DISC1: variants seen among roughly 807,000 people sequenced by gnomAD.
DISC1 encodes disrupted in schizophrenia 1 protein.
Under a neutral mutation model 84.5 loss-of-function variants are expected in DISC1, and 57 were observed. The ratio of observed to expected loss-of-function variants is 0.67; its 90% CI spans 0.55 to 0.84. The LOEUF (loss-of-function observed/expected upper bound fraction) is 0.84, where lower values mean the gene tolerates loss of function less well. Among genes scored for constraint, DISC1 ranks in the 40% least tolerant of loss-of-function variants. The probability of loss-of-function intolerance (pLI) is 0.00; values close to 1 mark genes in which losing one functional copy is unlikely to be tolerated. For missense variants in DISC1, 1,000 were observed against 1,057.8 expected (o/e 0.95, Z 0.76); for synonymous variants, 411 against 415.2 (o/e 0.99, Z 0.12).
At chr1:231,644,799 C>T (rs2059992772) in intron 1 of DISC1, among the ~76,000 whole-genome samples, 1 of 151,900 alleles carries the variant, frequency 6.6e-6, no homozygotes, top group Non-Finnish European at 1.5e-5. Flanking sequence ...GTAACAAATT[C>T]CCTATATTAA....
chr1:231,855,335 G>A, intron 9 of DISC1: 2 of 965,190 alleles, frequency 2.1e-6, no homozygotes, highest in Non-Finnish European at 2.5e-6. Context: ...TACAATTTTT[G>A]TCAATTAAAC....
chr1:231,928,195 T>C (rs763650322), intron 9 of DISC1, among the ~76,000 whole-genome samples: 1 of 152,226 alleles, frequency 6.6e-6, no homozygotes, highest in Non-Finnish European at 1.5e-5. Flanking sequence ...TGATTTCTGC[T>C]CTCAGCTATT....
At chr1:231,817,660 A>G (rs531562767) in intron 8 of DISC1, among the ~76,000 whole-genome samples, 59 of 152,110 alleles carry the variant, frequency 3.9e-4, no homozygotes, top group African/African-American at 1.4e-3. Flanking sequence ...TGTAAATTGT[A>G]TTTTTTAAAA....
At chr1:231,709,948 C>G (rs1376162127) in intron 3 of DISC1, among the ~76,000 whole-genome samples, 2 of 152,190 alleles carry the variant, frequency 1.3e-5, no homozygotes, top group African/African-American at 4.8e-5. Context: ...TCTGCTTCTT[C>G]TGCCCTCTTA....
chr1:231,697,606 ATTTT>A (rs113034860), intron 2 of DISC1, among the ~76,000 whole-genome samples: 3 of 127,968 alleles, frequency 2.3e-5, no homozygotes, highest in Admixed American at 8.0e-5. Flanking sequence ...TGCCTGGCTA[ATTTT>A]TTTTTTTTTT....
intron 3 of DISC1, among the ~76,000 whole-genome samples, chr1:231,718,317 C>A (rs1161313297): frequency 6.6e-6 from 1 of 152,196 alleles, no homozygotes; most frequent in Non-Finnish European, 1.5e-5. Flanking sequence ...TGACTAATGT[C>A]ACTATCAGGA....
At chr1:231,986,908 C>G (rs1664525700) in intron 10 of DISC1, among the ~76,000 whole-genome samples, 1 of 152,164 alleles carries the variant, frequency 6.6e-6, no homozygotes. Context: ...TATACTGATT[C>G]ACTTAGTGGT....
intron 10 of DISC1, among the ~76,000 whole-genome samples, chr1:231,967,603 G>A (rs1161553692): frequency 6.6e-6 from 1 of 152,130 alleles, no homozygotes; most frequent in Non-Finnish European, 1.5e-5. Flanking sequence ...AATATTCACT[G>A]TCGGATTTAT....
At position 231,657,556 on chromosome 1, in the gene DISC1, A is replaced by G. The variant is rs923283635; in HGVS notation, c.67+30622A>G. On this transcript the variant is annotated intron_variant, in intron 1 of 12. Coordinates refer to ENST00000439617, the MANE Select transcript of DISC1 (RefSeq NM_018662.3). ...TGTTTTCATCATGAAATCTTTGTCC[A>G]TGCCTATGTCCTGAATGGTATTGCC... Among the ~76,000 whole-genome samples, 19 of 152,142 alleles carry G rather than the reference A, an allele frequency of 1.2e-4. No homozygotes were observed. The South Asian group carries it at 3.5e-3, about 28-fold the overall frequency.
intron 11 of DISC1, among the ~76,000 whole-genome samples, chr1:232,024,897 A>T (rs893694088): frequency 1.3e-5 from 2 of 152,060 alleles, no homozygotes; most frequent in South Asian, 2.1e-4. Flanking sequence ...GTCTGCAAAA[A>T]TTTTTTAGTG....
chr1:231,679,948 C>T (rs929812439), intron 1 of DISC1, among the ~76,000 whole-genome samples: 3 of 152,182 alleles, frequency 2.0e-5, no homozygotes, highest in African/African-American at 7.2e-5. Flanking sequence ...ACTTACAAGG[C>T]CAGGCGCAGT....
intron 2 of DISC1, among the ~76,000 whole-genome samples, chr1:231,700,476 A>T (rs2066274641): frequency 6.6e-6 from 1 of 152,208 alleles, no homozygotes; most frequent in South Asian, 2.1e-4. Context: ...TATAATACAT[A>T]TAACAAACAA....
At chr1:231,732,556 T>A (rs761393632) in intron 3 of DISC1, among the ~76,000 whole-genome samples, 1 of 152,186 alleles carries the variant, frequency 6.6e-6, no homozygotes, top group Non-Finnish European at 1.5e-5. Flanking sequence ...TTTGTAGAGA[T>A]CCTTTGTAGA....
chr1:231,729,074 G>A (rs1486389670), intron 3 of DISC1, among the ~76,000 whole-genome samples: 4 of 151,876 alleles, frequency 2.6e-5, no homozygotes, highest in East Asian at 3.9e-4. Flanking sequence ...TCCCACCTAC[G>A]AGTGAGAACA....
rs181130652 is a variant in DISC1 at position 231,673,481 on chromosome 1, C to T, written c.68-20345C>T. 3.6e-3 allele frequency among the ~76,000 whole-genome samples: 545 copies of T among 152,276 alleles called. 4 individuals carry two copies. Among genetic ancestry groups the T allele is most frequent in the African/African-American group, 0.013 (526 of 41,552 alleles). On this transcript the variant is annotated intron_variant, in intron 1 of 12. Transcript: ENST00000439617. ...TAGCTGGGACTATAGGTAGGCGCCA[C>T]CACATCTGGCTTTCTTCTTGGCTAT...
Position 231,907,104 on chromosome 1 carries a change from TTCTC to T in DISC1, c.1982-51721_1982-51718del, listed in dbSNP as rs1388628946. On this transcript the variant is annotated intron_variant, in intron 9 of 12. Transcript: ENST00000439617. ...CTTCCTTCCTTCCCTCCCTCCTTCCTTCTCTCCTTCCTTCCTTCCTTCCTTCCTC... is the reference window on the plus strand; with the variant it reads ...CTTCCTTCCTTCCCTCCCTCCTTCCTTCCTTCCTTCCTTCCTTCCTTCCTC... 2.7e-4 allele frequency among the ~76,000 whole-genome samples: 3 copies of T among 11,118 alleles called. No individual in the cohort carries two copies. In the Admixed American group the frequency reaches 4.4e-3, roughly 16 times the overall value. The allele number at this position is 11,118 out of a possible 152,430, so 7.3% of individuals were successfully genotyped here.
rs374666821 is a variant in DISC1 at position 231,730,897 on chromosome 1, A to G, written c.1118-19029A>G. ...TCTAAATTCAATTAAAATGAAGAAT[A>G]TGGTGTAAAATTATTTTTATGCAGG... On this transcript the variant is annotated intron_variant, in intron 3 of 12. Coordinates refer to ENST00000439617, the MANE Select transcript of DISC1 (RefSeq NM_018662.3). Among the ~76,000 whole-genome samples, 128 of 152,328 alleles carry G rather than the reference A, an allele frequency of 8.4e-4. 1 individual carries two copies. The South Asian group carries it at 0.026, about 31-fold the overall frequency.
chr1:231,723,190 AT>A, intron 3 of DISC1: 1 of 861,906 alleles, frequency 1.2e-6, no homozygotes, highest in Non-Finnish European at 1.4e-6. Flanking sequence ...CGAATGCTGT[AT>A]TTTTGATTCA....
chr1:231,774,814 A>G (rs1196720886), intron 6 of DISC1: 2 of 454,720 alleles, frequency 4.4e-6, no homozygotes, highest in East Asian at 6.9e-5. Context: ...AGCTGGCTCA[A>G]CAGGTCAGAG....
Sources: allele counts gnomAD v4.1 joint callset (sites outside exome capture counted in the v4.1 genomes callset), GRCh38; gene constraint gnomAD v4.1.1; transcripts MANE v1.5; gene names NCBI Gene and HGNC (gene_info 2026-07-23, HGNC 2026-07-21).